Variants in XRN1 observed in about 807,000 individuals in gnomAD.
The protein encoded by XRN1 is strand-exchange protein 1 homolog.
XRN1 carries 67 observed loss-of-function variants against 222.3 expected under a neutral mutation model. That is an observed-to-expected ratio of 0.30 (90% CI 0.25 to 0.37). XRN1 has a LOEUF of 0.37. Among genes scored for constraint, XRN1 ranks in the 10% least tolerant of loss-of-function variants. The pLI is 1.00. For synonymous variants in XRN1, 643 were observed against 652.4 expected (o/e 0.99, Z 0.22); for missense variants, 1,707 against 2,000.2 (o/e 0.85, Z 2.80).
At chr3:142,431,943 TATATA>T (rs1446369044) in intron 2 of XRN1, among the ~76,000 whole-genome samples, 49 of 97,848 alleles carry the variant, frequency 5.0e-4, no homozygotes, top group East Asian at 9.8e-4. Flanking sequence ...TTGTATATAT[TATATA>T]ATATATTATA....
chr3:142,336,528 A>C (rs939677615), intron 33 of XRN1, among the ~76,000 whole-genome samples: 6 of 150,962 alleles, frequency 4.0e-5, no homozygotes, highest in African/African-American at 1.5e-4. Flanking sequence ...AATAGTGAGG[A>C]GGGCATGGGA....
chr3:142,351,093 T>C (rs1427131041), intron 32 of XRN1, among the ~76,000 whole-genome samples: 1 of 152,186 alleles, frequency 6.6e-6, no homozygotes, highest in East Asian at 1.9e-4. Flanking sequence ...TCTATTTTTT[T>C]CTCTATCATC....
chr3:142,312,698 G>T lies in XRN1; in HGVS notation c.4682C>A (p.Pro1561Gln), dbSNP rs756971732. The change falls in exon 40 of 41, where the codon CCA becomes CAA. Residue 1561 changes from proline (P) to glutamine (Q), a missense_variant. Pro to Gln is a moderately conservative substitution (Grantham distance 76). Transcript: ENST00000392981. ...FGSMPWGPSV[P>Q]VPGKPFHHTL... ...ATGATGGAAGGGCTTCCCAGGAACT[G>T]GCACCGATGGTCCCCATGGCATTGA... 1 of 1,613,866 alleles carries T rather than the reference G, an allele frequency of 6.2e-7. No individual in the cohort carries two copies. The highest frequency in any genetic ancestry group is 1.1e-5 in the South Asian group (1 of 91,076).
chr3:142,444,768 T>G (rs1454187880), intron 1 of XRN1, among the ~76,000 whole-genome samples: 1 of 152,130 alleles, frequency 6.6e-6, no homozygotes, highest in Non-Finnish European at 1.5e-5. Flanking sequence ...CTCCATGATA[T>G]GATTATTACA....
chr3:142,355,004 T>C (rs1191950414), intron 32 of XRN1, among the ~76,000 whole-genome samples: 1 of 150,768 alleles, frequency 6.6e-6, no homozygotes, highest in Non-Finnish European at 1.5e-5. Context: ...GGTTCTCACT[T>C]ATAAGTGGGA....
chr3:142,395,098 A>C (rs1055806596), intron 20 of XRN1, among the ~76,000 whole-genome samples: 3 of 152,212 alleles, frequency 2.0e-5, no homozygotes, highest in African/African-American at 7.2e-5. Context: ...TGTTAGAGCC[A>C]TGGAATCCTC....
chr3:142,365,156 G>T lies in XRN1; in HGVS notation c.3285C>A (p.Val1095=). ...LYRPLEQQHG[V]IPDRDAEFCL... is the part of the protein sequence containing the mutation. ...AAAATTCTGCATCCCGATCAGGAATGACTCCATGTTGCTGTTCTAAAGGCT... is the reference window on the plus strand; with the variant it reads ...AAAATTCTGCATCCCGATCAGGAATTACTCCATGTTGCTGTTCTAAAGGCT... Residue 1095 remains valine, a synonymous_variant, in exon 29 of 41, where the codon GTC becomes GTA. Transcript: ENST00000392981. The T allele has an allele frequency of 6.2e-7, 1 of 1,612,780 alleles. No individual in the cohort carries two copies.
intron 27 of XRN1, among the ~76,000 whole-genome samples, chr3:142,369,338 G>A (rs1331971576): frequency 6.6e-6 from 1 of 152,126 alleles, no homozygotes; most frequent in Non-Finnish European, 1.5e-5. Context: ...AACTCAATGA[G>A]TGTATGAGTA....
chr3:142,434,341 CAT>C (rs2069772081), intron 1 of XRN1, among the ~76,000 whole-genome samples: 1 of 151,818 alleles, frequency 6.6e-6, no homozygotes, highest in Admixed American at 6.6e-5. Flanking sequence ...CGCTAATTTT[CAT>C]ATCTTTTGTA....
chr3:142,402,993 T>A (rs2068203208), intron 18 of XRN1, among the ~76,000 whole-genome samples: 1 of 152,212 alleles, frequency 6.6e-6, no homozygotes, highest in Non-Finnish European at 1.5e-5. Context: ...CCGCTTTCTT[T>A]GATTTCTCTT....
intron 13 of XRN1, among the ~76,000 whole-genome samples, chr3:142,414,507 T>G (rs2068710430): frequency 6.6e-6 from 1 of 151,968 alleles, no homozygotes; most frequent in South Asian, 2.1e-4. Context: ...ATTTTTTTTT[T>G]TTTTTTGAGA....
chr3:142,338,690 T>A (rs1190581912), intron 33 of XRN1, among the ~76,000 whole-genome samples: 1 of 152,002 alleles, frequency 6.6e-6, no homozygotes, highest in African/African-American at 2.4e-5. Context: ...TAGATGGCAT[T>A]TCTAGATGTG....
intron 22 of XRN1, among the ~76,000 whole-genome samples, chr3:142,381,619 G>C (rs573939324): frequency 6.9e-6 from 1 of 144,962 alleles, no homozygotes; most frequent in South Asian, 2.2e-4. Flanking sequence ...CAAGGCTGGA[G>C]TGCAGTGGTA....
At chr3:142,352,078 T>A (rs1227985758) in intron 32 of XRN1, among the ~76,000 whole-genome samples, 1 of 152,188 alleles carries the variant, frequency 6.6e-6, no homozygotes, top group Non-Finnish European at 1.5e-5. Context: ...ATTCTACTCC[T>A]CCTCAGTTCC....
chr3:142,313,248 T>G (rs2065124090), intron 39 of XRN1: 1 of 1,512,294 alleles, frequency 6.6e-7, no homozygotes, highest in Non-Finnish European at 9.0e-7. Flanking sequence ...CTTTCTTTTC[T>G]CTATTTTAAT....
intron 2 of XRN1, among the ~76,000 whole-genome samples, chr3:142,431,847 ATATATATATTATATATAATATATTATAT>A (rs71153964): frequency 0.015 from 702 of 46,100 alleles, 50 homozygotes; most frequent in African/African-American, 0.066. Context: ...ATATTAAAAA[ATATATATATTATATATAATATATTATAT>A]TATATATATT....
chr3:142,418,410 T>A (rs2068869252), intron 12 of XRN1, 94 bp downstream of exon 12: 1 of 992,102 alleles, frequency 1.0e-6, no homozygotes, highest in Non-Finnish European at 1.5e-6. Flanking sequence ...AAAAAATCCT[T>A]TTTCTCCCAC....
chr3:142,358,661 T>C (rs778468812), intron 30 of XRN1, among the ~76,000 whole-genome samples: 6 of 152,148 alleles, frequency 3.9e-5, no homozygotes, highest in Non-Finnish European at 5.9e-5. Context: ...TCAAAGGTAT[T>C]GGTAATCAAA....
At chr3:142,376,045 A>G in intron 24 of XRN1, 101 bp from the exon 25 acceptor site, 2 of 1,409,220 alleles carry the variant, frequency 1.4e-6, no homozygotes, top group Non-Finnish European at 9.2e-7. Flanking sequence ...TTTGCTTTCA[A>G]TTCTTAGAAA....
Sources: allele counts gnomAD v4.1 joint callset (sites outside exome capture counted in the v4.1 genomes callset), GRCh38; gene constraint gnomAD v4.1.1; transcripts MANE v1.5; gene names NCBI Gene and HGNC (gene_info 2026-07-23, HGNC 2026-07-21).